Variants in ABI3BP observed in about 807,000 individuals in gnomAD.
ABI3BP encodes ABI family member 3 binding protein.
ABI3BP carries 216 observed loss-of-function variants against 268.6 expected under a neutral mutation model. The observed-to-expected ratio is 0.80, with a 90% CI of 0.72 to 0.90. The LOEUF (loss-of-function observed/expected upper bound fraction) is 0.90, where lower values mean the gene tolerates loss of function less well. Ranked by LOEUF, ABI3BP falls within the 40% of genes least tolerant of loss-of-function variation. The pLI is 0.00. For synonymous variants in ABI3BP, 730 were observed against 730.0 expected, an observed-to-expected ratio of 1.00 and a Z score of 0.00; for missense variants, 2,090 against 2,182.4, an observed-to-expected ratio of 0.96 and a Z score of 0.84.
intron 61 of ABI3BP, 29 bp downstream of exon 61, chr3:100,774,576 A>C: frequency 6.5e-7 from 1 of 1,530,544 alleles, no homozygotes; most frequent in South Asian, 1.3e-5. Flanking sequence ...GCCTTTTCAA[A>C]TGTGAGATTC....
intron 14 of ABI3BP, among the ~76,000 whole-genome samples, chr3:100,854,972 A>AG (rs2098923674): frequency 6.6e-6 from 1 of 151,820 alleles, no homozygotes; most frequent in Non-Finnish European, 1.5e-5. Context: ...TGTCGCCCAG[A>AG]CTGGAGTGAA....
rs376711322 is a variant in ABI3BP at position 100,872,603 on chromosome 3, T to A, written c.910+2238A>T. On this transcript the variant is annotated intron_variant, in intron 9 of 67. Coordinates refer to ENST00000471714, the MANE Select transcript of ABI3BP (RefSeq NM_001375547.2). Reference sequence around the variant, plus strand: ...AATGAGATTGGCCAGCTCCTTTTTTTCCTCCTTCCAAACAAGTTCTAGGCA... The same window carrying A: ...AATGAGATTGGCCAGCTCCTTTTTTACCTCCTTCCAAACAAGTTCTAGGCA... Among the ~76,000 whole-genome samples, 8 of 152,128 alleles carry A rather than the reference T, an allele frequency of 5.3e-5. No individual in the cohort carries two copies. The East Asian group carries it at 1.2e-3, about 22-fold the overall frequency.
chr3:100,789,969 A>G (rs2097154281), intron 55 of ABI3BP, among the ~76,000 whole-genome samples: 2 of 151,958 alleles, frequency 1.3e-5, no homozygotes, highest in African/African-American at 4.8e-5. Flanking sequence ...TTAGGTAGGT[A>G]AAGAAGAAAG....
chr3:100,884,238 C>A, intron 6 of ABI3BP, among the ~76,000 whole-genome samples: 1 of 150,462 alleles, frequency 6.6e-6, no homozygotes, highest in African/African-American at 2.4e-5. Flanking sequence ...AGCAGCAAAA[C>A]CTAAAAACAA....
At chr3:100,873,649 G>T (rs1285386630) in intron 9 of ABI3BP, among the ~76,000 whole-genome samples, 1 of 152,068 alleles carries the variant, frequency 6.6e-6, no homozygotes, top group Admixed American at 6.6e-5. Context: ...AAAATATTTG[G>T]GTTATATCTT....
At chr3:100,777,827 G>A (rs2096751053) in intron 59 of ABI3BP, among the ~76,000 whole-genome samples, 1 of 152,184 alleles carries the variant, frequency 6.6e-6, no homozygotes, top group Non-Finnish European at 1.5e-5. Context: ...TTTAGTCCCA[G>A]ATCTTCCCCT....
chr3:100,919,578 C>T (rs548886257), intron 2 of ABI3BP, among the ~76,000 whole-genome samples: 1 of 152,264 alleles, frequency 6.6e-6, no homozygotes, highest in African/African-American at 2.4e-5. Flanking sequence ...ATCAACTTTG[C>T]TTTTAAATTT....
At chr3:100,861,709 G>T (rs184635339) in intron 14 of ABI3BP, among the ~76,000 whole-genome samples, 27 of 144,638 alleles carry the variant, frequency 1.9e-4, no homozygotes, top group Non-Finnish European at 6.0e-5. Flanking sequence ...AAAAAAAAAA[G>T]CCAATTGCTA....
chr3:100,849,125 C>A (rs948128633), intron 17 of ABI3BP, among the ~76,000 whole-genome samples: 1 of 151,804 alleles, frequency 6.6e-6, no homozygotes, highest in Admixed American at 6.6e-5. Context: ...CAGAAGTGAG[C>A]ACCCTTGAGG....
At chr3:100,839,736 C>T (rs757530849) in intron 23 of ABI3BP, 120 bp from the exon 24 acceptor site, 5 of 1,113,260 alleles carry the variant, frequency 4.5e-6, no homozygotes, top group Non-Finnish European at 3.9e-6. Flanking sequence ...ATGTGATTTT[C>T]CCTTTTACAG....
intron 6 of ABI3BP, among the ~76,000 whole-genome samples, chr3:100,878,051 G>A (rs2099181379): frequency 6.6e-6 from 1 of 152,252 alleles, no homozygotes; most frequent in South Asian, 2.1e-4. Flanking sequence ...AGGGGTGCCT[G>A]CATGCGTTGA....
intron 2 of ABI3BP, among the ~76,000 whole-genome samples, chr3:100,923,745 A>G (rs1280484847): frequency 6.6e-6 from 1 of 152,222 alleles, no homozygotes; most frequent in Non-Finnish European, 1.5e-5. Context: ...TTTATTCTTT[A>G]TCATTGGCTA....
rs1288447749 is a variant in ABI3BP at position 100,810,465 on chromosome 3, A to C, written c.3554T>G (p.Leu1185Arg). Residue 1185 changes from leucine to arginine, a missense_variant, in exon 49 of 68, where the codon CTG becomes CGG. By Grantham distance (102) the Leu-to-Arg change is moderately radical. Transcript: ENST00000471714. Reference protein sequence around the residue: ...PPETTLETSPLPSQSITLPSP... With the variant: ...PPETTLETSPRPSQSITLPSP... ...GGGTAGGGTTATAGATTGAGAAGGC[A>C]GAGGCGACGTTTCTATGGTAATTGA... The C allele has an allele frequency of 2.6e-6, 4 of 1,534,978 alleles. No individual in the cohort carries two copies. Among genetic ancestry groups the C allele is most frequent in the Non-Finnish European group, 3.5e-6 (4 of 1,146,068 alleles).
In ABI3BP at chr3:100,849,952, A is replaced by C. The variant is rs2098819393; in HGVS notation, c.1501+93T>G. The C allele has an allele frequency of 2.6e-6, 3 of 1,153,502 alleles. No homozygotes were observed. In the East Asian group the frequency reaches 7.7e-5, roughly 30 times the overall value. 71.5% of individuals were successfully genotyped at this position (1,153,502 alleles called of 1,614,324 possible). On this transcript the variant is annotated intron_variant, in intron 17 of 67. Transcript: ENST00000471714. ...AGGGAAATATTTAGCAAAAACAAAC[A>C]AAAGAAAAACAAAATTCTGAAATGG...
chr3:100,800,971 G>A (rs1384913429), intron 51 of ABI3BP, among the ~76,000 whole-genome samples: 1 of 151,932 alleles, frequency 6.6e-6, no homozygotes, highest in Non-Finnish European at 1.5e-5. Flanking sequence ...GATTTGCCTT[G>A]TTTTATAGTT....
At chr3:100,796,042 C>A (rs990561167) in intron 52 of ABI3BP, among the ~76,000 whole-genome samples, 191 bp from the exon 53 acceptor site, 4 of 152,042 alleles carry the variant, frequency 2.6e-5, no homozygotes, top group African/African-American at 9.7e-5. Context: ...CTTTGAAGTT[C>A]TCATTCACTG....
chr3:100,806,847 G>A (rs965021569), intron 50 of ABI3BP, among the ~76,000 whole-genome samples: 1 of 150,226 alleles, frequency 6.7e-6, no homozygotes, highest in African/African-American at 2.4e-5. Flanking sequence ...AAGTCAAAAT[G>A]AAATAAATTT....
At chr3:100,754,431 T>A (rs1222961904) in intron 64 of ABI3BP, among the ~76,000 whole-genome samples, 181 bp downstream of exon 64, 1 of 152,194 alleles carries the variant, frequency 6.6e-6, no homozygotes, top group Non-Finnish European at 1.5e-5. Flanking sequence ...TGTCTTTAAG[T>A]GAGGAAAAAT....
At chr3:100,982,502 T>C (rs893245767) in intron 1 of ABI3BP, among the ~76,000 whole-genome samples, 1 of 151,592 alleles carries the variant, frequency 6.6e-6, no homozygotes, top group African/African-American at 2.4e-5. Flanking sequence ...GCAAAAGTAA[T>C]TGTGGTTTTT....
Sources: gnomAD v4.1 joint callset for allele counts (sites outside exome capture counted in the v4.1 genomes callset) on GRCh38, gnomAD v4.1.1 for gene constraint, MANE v1.5 for transcripts, NCBI Gene and HGNC (gene_info 2026-07-23, HGNC 2026-07-21) for gene names.